AASS: variants seen among roughly 807,000 people sequenced by gnomAD.
AASS encodes the protein alpha-aminoadipic semialdehyde synthase, mitochondrial.
In AASS, 86 loss-of-function variants were observed where a neutral mutation model predicts 105.4. That is an observed-to-expected ratio of 0.82 (90% CI 0.69 to 0.98). AASS has a LOEUF of 0.98. Ranked by LOEUF, AASS falls within the 50% of genes least tolerant of loss-of-function variation. The probability of loss-of-function intolerance (pLI) is 0.00; values close to 1 mark genes in which losing one functional copy is unlikely to be tolerated. For missense variants in AASS, 1,048 were observed against 1,143.2 expected (o/e 0.92, Z 1.20); for synonymous variants, 381 against 394.8 (o/e 0.96, Z 0.41).
intron 11 of AASS, among the ~76,000 whole-genome samples, chr7:122,102,803 C>T (rs920752842): frequency 6.6e-6 from 1 of 151,764 alleles, no homozygotes; most frequent in Non-Finnish European, 1.5e-5. Context: ...CATCCAGAGC[C>T]TCGAGTCATC....
At position 122,101,665 on chromosome 7, in the gene AASS, T is replaced by C; in HGVS notation, c.1294A>G (p.Thr432Ala). Reference protein sequence around the residue: ...YVEEMILSDATQPLESQNFSP... With the variant: ...YVEEMILSDAAQPLESQNFSP... ...AAATTCTGACTTTCAAGAGGCTGTG[T>C]CGCGTCTGATAATATCTGAAAGGAA... The change falls in exon 12 of 24, where the codon ACA becomes GCA. Residue 432 changes from threonine to alanine, a missense_variant. Transcript: ENST00000417368. The C allele has an allele frequency of 1.2e-6, 2 of 1,611,420 alleles. No homozygotes were observed. Among genetic ancestry groups the C allele is most frequent in the Non-Finnish European group, 1.7e-6 (2 of 1,178,178 alleles).
At chr7:122,084,270 T>C (rs1337444683) in intron 19 of AASS, among the ~76,000 whole-genome samples, 1 of 152,168 alleles carries the variant, frequency 6.6e-6, no homozygotes, top group Non-Finnish European at 1.5e-5. Flanking sequence ...TGATGTCTCA[T>C]TTGATTCCTG....
At chr7:122,094,300 C>T (rs547716118) in intron 15 of AASS, among the ~76,000 whole-genome samples, 1 of 152,146 alleles carries the variant, frequency 6.6e-6, no homozygotes, top group Non-Finnish European at 1.5e-5. Flanking sequence ...ATCAATGACT[C>T]CCTGTGGGCC....
intron 3 of AASS, among the ~76,000 whole-genome samples, chr7:122,126,935 C>T (rs75389718): frequency 0.012 from 1,868 of 152,298 alleles, 19 homozygotes; most frequent in Non-Finnish European, 0.019. Flanking sequence ...TCTTTACATT[C>T]TTTCTCAACC....
At chr7:122,112,474 T>C (rs532428593) in intron 11 of AASS, among the ~76,000 whole-genome samples, 1 of 152,168 alleles carries the variant, frequency 6.6e-6, no homozygotes, top group Non-Finnish European at 1.5e-5. Flanking sequence ...TGTAAGAGCT[T>C]ATGAGGGAAG....
chr7:122,086,455 G>T (rs1236461230), intron 18 of AASS, among the ~76,000 whole-genome samples: 1 of 150,880 alleles, frequency 6.6e-6, no homozygotes, highest in African/African-American at 2.4e-5. Flanking sequence ...TGGATAAAAT[G>T]GCACTAAATT....
Position 122,081,542 on chromosome 7 carries a change from T to G in AASS, c.2238A>C (p.Glu746Asp). Residue 746 changes from glutamate to aspartate, a missense_variant, in exon 20 of 24, where the codon GAA becomes GAC. By Grantham distance (45) the Glu-to-Asp change is conservative. Coordinates refer to ENST00000417368, the MANE Select transcript of AASS (RefSeq NM_005763.4). ...CCTCAGGTCTAAAGGCAGGAAGCGC[T>G]TCTCTGTTTATAAGACCTAATTTTA... is the stretch of plus-strand genomic sequence containing the variant. ...GFVKLGLINR[E>D]ALPAFRPEAN... The G allele has an allele frequency of 6.2e-7, 1 of 1,614,030 alleles. No homozygotes were observed.
At chr7:122,131,337 CA>C (rs201237827) in intron 2 of AASS, among the ~76,000 whole-genome samples, 244 of 136,484 alleles carry the variant, frequency 1.8e-3, no homozygotes, top group Admixed American at 2.3e-3. Flanking sequence ...ATTCTAAAGG[CA>C]AAAAAAAAAA....
intron 18 of AASS, among the ~76,000 whole-genome samples, chr7:122,090,385 G>A (rs570262333): frequency 5.9e-5 from 9 of 152,200 alleles, no homozygotes; most frequent in African/African-American, 1.9e-4. Context: ...AATCTTTGGG[G>A]ATGAGGCGCT....
chr7:122,137,836 A>G (rs894872336), intron 1 of AASS, among the ~76,000 whole-genome samples: 3 of 152,172 alleles, frequency 2.0e-5, no homozygotes, highest in Non-Finnish European at 4.4e-5. Flanking sequence ...AATGCCTTCA[A>G]TGAAGGAAGG....
intron 6 of AASS, among the ~76,000 whole-genome samples, chr7:122,117,678 CAG>C (rs1490386597): frequency 6.6e-6 from 1 of 151,520 alleles, no homozygotes; most frequent in Non-Finnish European, 1.5e-5. Context: ...TATTTTGAGA[CAG>C]AGTCTCGCTC....
At chr7:122,082,144 C>G (rs1288169549) in intron 19 of AASS, among the ~76,000 whole-genome samples, 1 of 148,168 alleles carries the variant, frequency 6.7e-6, no homozygotes, top group Non-Finnish European at 1.5e-5. Flanking sequence ...AGGTAGGAAT[C>G]AGAGATTTTT....
Position 122,081,497 on chromosome 7 carries a change from C to A in AASS, c.2280+3G>T. 6.2e-7 allele frequency: 1 copy of A among 1,611,250 alleles called. No homozygotes were observed. Among genetic ancestry groups the A allele is most frequent in the Non-Finnish European group, 8.5e-7 (1 of 1,177,358 alleles). On this transcript the variant is annotated splice_donor_region_variant and intron_variant, in intron 20 of 23. Transcript: ENST00000417368. Reference sequence around the variant, plus strand: ...AGATAGAACGTAATTCGGAGTCACTCACCCAGGTGAGAGGGTTGGCCTCAG... The same window carrying A: ...AGATAGAACGTAATTCGGAGTCACTAACCCAGGTGAGAGGGTTGGCCTCAG...
chr7:122,122,956 G>C (rs117823632), intron 4 of AASS, among the ~76,000 whole-genome samples: 1,874 of 152,206 alleles, frequency 0.012, 20 homozygotes, highest in Non-Finnish European at 0.019. Context: ...AGCTTTTATA[G>C]GAATGAATGT....
chr7:122,102,635 A>G (rs551916001), intron 11 of AASS, among the ~76,000 whole-genome samples: 2 of 152,058 alleles, frequency 1.3e-5, no homozygotes, highest in Non-Finnish European at 2.9e-5. Flanking sequence ...TATCTAAAAT[A>G]AATGGTAATT....
intron 19 of AASS, 54 bp downstream of exon 19, chr7:122,085,958 A>G: frequency 6.3e-7 from 1 of 1,583,048 alleles, no homozygotes; most frequent in Non-Finnish European, 8.7e-7. Flanking sequence ...TTAAGTGTAC[A>G]CATCACTTAC....
chr7:122,093,930 C>A (rs1487907801), intron 15 of AASS, among the ~76,000 whole-genome samples: 1 of 152,114 alleles, frequency 6.6e-6, no homozygotes, highest in Non-Finnish European at 1.5e-5. Flanking sequence ...AAATAGTGTT[C>A]TTTGCAGCAA....
intron 11 of AASS, among the ~76,000 whole-genome samples, chr7:122,107,996 T>C (rs1372681508): frequency 6.8e-6 from 1 of 147,486 alleles, no homozygotes; most frequent in African/African-American, 2.5e-5. Flanking sequence ...CATTACAACT[T>C]ATACCACAGA....
intron 1 of AASS, among the ~76,000 whole-genome samples, chr7:122,143,155 A>AT (rs553342938): frequency 2.4e-3 from 364 of 152,092 alleles, no homozygotes; most frequent in African/African-American, 8.4e-3. Context: ...GTGTTTTGGG[A>AT]TTTTTTTTAA....
Sources: allele counts gnomAD v4.1 joint callset (sites outside exome capture counted in the v4.1 genomes callset), GRCh38; gene constraint gnomAD v4.1.1; transcripts MANE v1.5; gene names NCBI Gene and HGNC (gene_info 2026-07-23, HGNC 2026-07-21).